HDAC9: variants seen among roughly 807,000 people sequenced by gnomAD.
HDAC9 encodes histone deacetylase 9, also known as MEF-2 interacting transcription repressor (MITR) protein.
HDAC9 carries 41 observed loss-of-function variants against 139.4 expected under a neutral mutation model. That is an observed-to-expected ratio of 0.29 (90% CI 0.23 to 0.38). The LOEUF (loss-of-function observed/expected upper bound fraction) is 0.38, where lower values mean the gene tolerates loss of function less well. Ranked by LOEUF, HDAC9 falls within the 10% of genes least tolerant of loss-of-function variation. The probability of loss-of-function intolerance (pLI) is 1.00; values close to 1 mark genes in which losing one functional copy is unlikely to be tolerated. For synonymous variants in HDAC9, 517 were observed against 476.2 expected, an observed-to-expected ratio of 1.09 and a Z score of -1.12; for missense variants, 1,147 against 1,297.0, an observed-to-expected ratio of 0.88 and a Z score of 1.78.
chr7:18,759,583 A>G (rs1055035784), intron 14 of HDAC9, among the ~76,000 whole-genome samples: 1 of 152,114 alleles, frequency 6.6e-6, no homozygotes, highest in African/African-American at 2.4e-5. Flanking sequence ...ATTACATATT[A>G]AAATGTAATA....
At position 18,276,152 on chromosome 7, in the gene HDAC9, A is replaced by G. The variant is rs1171749417; in HGVS notation, c.25+113803A>G. ...TACTAAAAATAATTGCAATCATAGT[A>G]TACATTTTTATCAGATTTTATATCT... is the stretch of plus-strand genomic sequence containing the variant. On this transcript the variant is annotated intron_variant, in intron 2 of 12. Coordinates refer to the HDAC9 transcript ENST00000417496. 2.0e-5 allele frequency among the ~76,000 whole-genome samples: 3 copies of G among 152,338 alleles called. No individual in the cohort carries two copies. In the East Asian group the frequency reaches 5.8e-4, roughly 29 times the overall value.
chr7:18,636,354 G>A (rs967531272), intron 8 of HDAC9, among the ~76,000 whole-genome samples: 17 of 152,066 alleles, frequency 1.1e-4, no homozygotes, highest in African/African-American at 4.1e-4. Context: ...TCTCTCAGAT[G>A]TCGTAACCAC....
chr7:18,615,540 T>G (rs1838345303), intron 6 of HDAC9, among the ~76,000 whole-genome samples: 1 of 152,224 alleles, frequency 6.6e-6, no homozygotes, highest in Non-Finnish European at 1.5e-5. Context: ...ATACTTTTTG[T>G]CTTTTTTCTC....
At chr7:18,732,107 G>A (rs112024024) in intron 13 of HDAC9, among the ~76,000 whole-genome samples, 2,092 of 151,840 alleles carry the variant, frequency 0.014, 48 homozygotes, top group African/African-American at 0.048. Flanking sequence ...TGATCCACCC[G>A]CCTTGGCCTC....
intron 21 of HDAC9, among the ~76,000 whole-genome samples, chr7:18,864,951 G>A (rs1239387678): frequency 6.6e-6 from 1 of 152,104 alleles, no homozygotes; most frequent in Non-Finnish European, 1.5e-5. Context: ...AAAACTTTTA[G>A]TTGTTAAAAA....
chr7:18,331,072 A>C (rs745513072), intron 1 of HDAC9, among the ~76,000 whole-genome samples: 3 of 151,708 alleles, frequency 2.0e-5, no homozygotes, highest in South Asian at 4.1e-4. Flanking sequence ...AACTGATCAT[A>C]GGTTTTGCAT....
intron 8 of HDAC9, among the ~76,000 whole-genome samples, chr7:18,640,303 G>T (rs1364926177): frequency 7.0e-6 from 1 of 142,394 alleles, no homozygotes; most frequent in Non-Finnish European, 1.5e-5. Flanking sequence ...AGTTACAGTG[G>T]GCCTTGATCG....
intron 22 of HDAC9, among the ~76,000 whole-genome samples, chr7:18,922,624 C>G (rs1025046999): frequency 6.6e-6 from 1 of 152,030 alleles, no homozygotes; most frequent in African/African-American, 2.4e-5. Flanking sequence ...AGGTTAAACT[C>G]CACTTTAAGA....
At chr7:18,774,904 C>T (rs1295598510) in intron 16 of HDAC9, among the ~76,000 whole-genome samples, 4 of 152,018 alleles carry the variant, frequency 2.6e-5, no homozygotes, top group African/African-American at 4.8e-5. Context: ...ATGCCTTCTT[C>T]GCTAAGCTTA....
At chr7:18,660,761 T>C (rs1036670185) in intron 11 of HDAC9, among the ~76,000 whole-genome samples, 2 of 152,092 alleles carry the variant, frequency 1.3e-5, no homozygotes, top group African/African-American at 4.8e-5. Flanking sequence ...TCAGGCCTTG[T>C]GGGCGAACAA....
chr7:18,155,323 G>A (rs1255118113), intron 1 of HDAC9, among the ~76,000 whole-genome samples: 1 of 152,070 alleles, frequency 6.6e-6, no homozygotes, highest in African/African-American at 2.4e-5. Flanking sequence ...GAGGCATTTG[G>A]AATATGGGTT....
chr7:18,755,261 C>T (rs561555155), intron 14 of HDAC9, among the ~76,000 whole-genome samples: 5 of 152,084 alleles, frequency 3.3e-5, no homozygotes, highest in Admixed American at 6.6e-5. Flanking sequence ...ACTAATTGTA[C>T]ACCTTATAGT....
intron 1 of HDAC9, among the ~76,000 whole-genome samples, chr7:18,405,777 A>G (rs1349102339): frequency 2.0e-5 from 3 of 152,248 alleles, no homozygotes; most frequent in African/African-American, 4.8e-5. Flanking sequence ...ATAATTTGCC[A>G]TCTTCAACTT....
At chr7:18,466,937 T>C (rs983214216) in intron 1 of HDAC9, among the ~76,000 whole-genome samples, 1 of 152,208 alleles carries the variant, frequency 6.6e-6, no homozygotes, top group African/African-American at 2.4e-5. Flanking sequence ...CCCTCCCTCT[T>C]TTATAAAATA....
intron 16 of HDAC9, among the ~76,000 whole-genome samples, chr7:18,772,083 T>C (rs902877473): frequency 3.3e-5 from 5 of 152,072 alleles, no homozygotes; most frequent in Non-Finnish European, 7.4e-5. Context: ...TGCTAAGCTA[T>C]GAGAGCACAG....
intron 12 of HDAC9, chr7:18,667,666 A>T: frequency 1.0e-6 from 1 of 985,266 alleles, no homozygotes; most frequent in Non-Finnish European, 1.2e-6. Flanking sequence ...TGGAAACAGG[A>T]AGTCCAAGTG....
chr7:18,332,793 G>A (rs1781293539), intron 1 of HDAC9, among the ~76,000 whole-genome samples: 1 of 151,484 alleles, frequency 6.6e-6, no homozygotes, highest in African/African-American at 2.4e-5. Flanking sequence ...TCAGTAGACT[G>A]TGAGCTAATA....
intron 1 of HDAC9, among the ~76,000 whole-genome samples, chr7:18,089,448 A>G (rs953273641): frequency 6.6e-6 from 1 of 152,062 alleles, no homozygotes; most frequent in Non-Finnish European, 1.5e-5. Flanking sequence ...TATGGTAGAA[A>G]GAGTTGTTTT....
intron 21 of HDAC9, among the ~76,000 whole-genome samples, chr7:18,849,368 G>C (rs929799407): frequency 1.3e-5 from 2 of 152,082 alleles, no homozygotes; most frequent in African/African-American, 4.8e-5. Flanking sequence ...AAGAGTGTCA[G>C]TTTCCTTTGC....
Sources: gnomAD v4.1 joint callset for allele counts (sites outside exome capture counted in the v4.1 genomes callset) on GRCh38, gnomAD v4.1.1 for gene constraint, MANE v1.5 for transcripts, NCBI Gene and HGNC (gene_info 2026-07-23, HGNC 2026-07-21) for gene names.